The following PGD variants were observed in gnomAD, a reference collection of about 807,000 sequenced individuals.
The protein encoded by PGD is phosphogluconate dehydrogenase.
In PGD, 21 loss-of-function variants were observed where a neutral mutation model predicts 60.4. The ratio of observed to expected loss-of-function variants is 0.35; its 90% CI spans 0.25 to 0.50. The LOEUF is 0.50. Ranked by LOEUF, PGD falls within the 20% of genes least tolerant of loss-of-function variation. The pLI is 0.98. For synonymous variants in PGD, 230 were observed against 235.9 expected, an observed-to-expected ratio of 0.97 and a Z score of 0.23; for missense variants, 477 against 613.1, an observed-to-expected ratio of 0.78 and a Z score of 2.34.
intron 10 of PGD, among the ~76,000 whole-genome samples, chr1:10,418,008 G>A (rs1206287932): frequency 1.3e-5 from 2 of 152,188 alleles, no homozygotes; most frequent in Non-Finnish European, 2.9e-5. Flanking sequence ...CACTGCGCCC[G>A]GCTCCGCATT....
intron 8 of PGD, among the ~76,000 whole-genome samples, chr1:10,415,812 A>T (rs2124211483): frequency 6.6e-6 from 1 of 152,354 alleles, no homozygotes; most frequent in African/African-American, 2.4e-5. Flanking sequence ...CAGTTGAGCA[A>T]GTCTTTTATA....
chr1:10,403,590 G>GAAAAA lies in PGD; in HGVS notation c.330+470_330+474dup, dbSNP rs71583866. On this transcript the variant is annotated intron_variant, in intron 4 of 12. Coordinates refer to ENST00000270776, the MANE Select transcript of PGD (RefSeq NM_002631.4). Reference sequence around the variant, plus strand: ...TGGGCGACAGAGTGAAACTCCATCTGAAAAAAAAAAAAAAAAAAAAGACAC... The same window carrying GAAAAA: ...TGGGCGACAGAGTGAAACTCCATCTGAAAAAAAAAAAAAAAAAAAAAAAAAGACAC... Among the ~76,000 whole-genome samples the GAAAAA allele has an allele frequency of 8.2e-3, 553 of 67,128 alleles. 36 individuals are homozygous for GAAAAA. Among genetic ancestry groups the GAAAAA allele is most frequent in the African/African-American group, 0.026 (442 of 17,022 alleles). The allele number at this position is 67,128 out of a possible 152,430, so 44.0% of individuals were successfully genotyped here. A position where few individuals can be genotyped will look rare whatever the true frequency, so the allele number is the denominator to read the frequency against.
At chr1:10,418,647 T>G (rs1025516228) in intron 10 of PGD, among the ~76,000 whole-genome samples, 179 bp from the exon 11 acceptor site, 7 of 151,888 alleles carry the variant, frequency 4.6e-5, no homozygotes, top group African/African-American at 1.7e-4. Context: ...TAGTGGTGCG[T>G]GCCTGTAATC....
chr1:10,410,465 A>C (rs535319110), intron 6 of PGD, among the ~76,000 whole-genome samples: 92 of 151,922 alleles, frequency 6.1e-4, no homozygotes, highest in African/African-American at 2.1e-3. Context: ...AAACACGGAC[A>C]ATGGAGTCCT....
chr1:10,417,321 T>G lies in PGD; in HGVS notation c.976-55T>G, dbSNP rs934109186. 8 of 1,553,306 alleles carry G rather than the reference T, an allele frequency of 5.2e-6. No homozygotes were observed. The East Asian group carries it at 1.8e-4, about 35-fold the overall frequency. On this transcript the variant is annotated intron_variant, in intron 9 of 12. Transcript: ENST00000270776. Reference sequence around the variant, plus strand: ...CTGATGAGAATAAGACTGGTAGACATAAGGCGGTCACTCTCCTAATGGCAA... The same window carrying G: ...CTGATGAGAATAAGACTGGTAGACAGAAGGCGGTCACTCTCCTAATGGCAA...
chr1:10,404,616 C>T (rs561858115), intron 5 of PGD, among the ~76,000 whole-genome samples: 1 of 151,788 alleles, frequency 6.6e-6, no homozygotes, highest in Non-Finnish European at 1.5e-5. Flanking sequence ...TCTTGTGCGT[C>T]AGCCTCCTGA....
At position 10,418,935 on chromosome 1, in the gene PGD, C is replaced by T; in HGVS notation, c.1209+10C>T. ...TGTTGAAAACTGCCAGGTATGTAGC[C>T]TAGGGCTGGTGCCATGGTTACTCTA... is the stretch of plus-strand genomic sequence containing the variant. On this transcript the variant is annotated intron_variant, in intron 11 of 12. Transcript: ENST00000270776. 2 of 1,479,374 alleles carry T rather than the reference C, an allele frequency of 1.4e-6. No individual in the cohort carries two copies. Among genetic ancestry groups the T allele is most frequent in the Non-Finnish European group, 1.9e-6 (2 of 1,057,886 alleles). The allele number at this position is 1,479,374 out of a possible 1,614,324, so 91.6% of individuals were successfully genotyped here. A position where few individuals can be genotyped will look rare whatever the true frequency, so the allele number is the denominator to read the frequency against.
chr1:10,400,159 G>A (rs2102383794), intron 2 of PGD, among the ~76,000 whole-genome samples: 1 of 152,336 alleles, frequency 6.6e-6, no homozygotes, highest in East Asian at 1.9e-4. Context: ...GTTGGGTGTG[G>A]ATTCTACCTG....
At position 10,418,858 on chromosome 1, in the gene PGD, A is replaced by T. The variant is rs1353944602; in HGVS notation, c.1142A>T (p.Asp381Val). Residue 381 changes from aspartate (D) to valine (V), a missense_variant, in exon 11 of 13, where the codon GAT (aspartate) becomes GTT (valine). By Grantham distance (152) the Asp-to-Val change is radical (BLOSUM62 -3). This residue lies in a region of PGD where 431 missense variants were observed against 556.6 expected (regional missense o/e 0.77). Coordinates refer to ENST00000270776, the MANE Select transcript of PGD (RefSeq NM_002631.4). ...VFLGKIKDAF[D>V]RNPELQNLLL... is the part of the protein sequence containing the mutation. Reference sequence around the variant, plus strand: ...CTAGGAAAGATAAAGGATGCATTTGATCGAAACCCGGAACTTCAGAACCTC... The same window carrying T: ...CTAGGAAAGATAAAGGATGCATTTGTTCGAAACCCGGAACTTCAGAACCTC... The T allele has an allele frequency of 1.2e-6, 2 of 1,609,624 alleles. No homozygotes were observed. Among genetic ancestry groups the T allele is most frequent in the Non-Finnish European group, 1.7e-6 (2 of 1,176,608 alleles).
At position 10,404,191 on chromosome 1, in the gene PGD, A is replaced by G. The variant is rs1639361451; in HGVS notation, c.361A>G (p.Ile121Val). The G allele has an allele frequency of 4.3e-6, 7 of 1,613,664 alleles. No individual in the cohort carries two copies. The highest frequency in any genetic ancestry group is 5.9e-6 in the Non-Finnish European group (7 of 1,179,762). Residue 121 changes from isoleucine (I) to valine (V), a missense_variant, in exon 5 of 13, where the codon ATT becomes GTT. Physicochemically the swap from Ile to Val is conservative, Grantham distance 29. Around this residue, in one of 3 missense-constraint regions of PGD, gnomAD observed 431 missense variants for 556.6 expected, o/e 0.77. Coordinates refer to ENST00000270776, the MANE Select transcript of PGD (RefSeq NM_002631.4). ...RRCRDLKAKGILFVGSGVSGG... is the reference protein window; with the variant it reads ...RRCRDLKAKGVLFVGSGVSGG... ...GTGCCGAGACCTCAAGGCCAAGGGA[A>G]TTTTATTTGTGGGGAGCGGAGTCAG...
rs1639298893 is a variant in PGD, at chr1:10,400,578, G to GC, written c.264+8dup. Reference sequence around the variant, plus strand: ...ATGATTTCATCGAGAAATTGGTGAGGCCAGCTGTGCTCTCAGCTGCTACCA... The same window carrying GC: ...ATGATTTCATCGAGAAATTGGTGAGGCCCAGCTGTGCTCTCAGCTGCTACCA... On this transcript the variant is annotated splice_region_variant and intron_variant, in intron 3 of 12. Transcript: ENST00000270776. The GC allele has an allele frequency of 1.2e-6, 2 of 1,609,752 alleles. No homozygotes were observed. The highest frequency in any genetic ancestry group is 8.5e-7 in the Non-Finnish European group (1 of 1,177,538).
At chr1:10,414,125 C>G (rs1180040677) in intron 8 of PGD, among the ~76,000 whole-genome samples, 2 of 152,132 alleles carry the variant, frequency 1.3e-5, no homozygotes, top group Non-Finnish European at 2.9e-5. Flanking sequence ...CTTTTTTCCC[C>G]TAGATATTAA....
rs70997229 is a variant in PGD at position 10,420,389 on chromosome 1, CTTTTTTTTTTTTT to C, written c.*652_*664del. 1.1e-4 allele frequency among the ~76,000 whole-genome samples: 8 copies of C among 75,058 alleles called. No homozygotes were observed. The East Asian group carries it at 2.9e-3, about 27-fold the overall frequency. The allele number at this position is 75,058 out of a possible 152,430, so 49.2% of individuals were successfully genotyped here. A position where few individuals can be genotyped will look rare whatever the true frequency, so the allele number is the denominator to read the frequency against. On this transcript the variant is annotated 3_prime_UTR_variant, in exon 13 of 13. Transcript: ENST00000270776. ...CACTGTAACGTGCTTTTTCTTTCGT[CTTTTTTTTTTTTT>C]TTTTTTTTTTTGCTCCTGGCAAGCT...
chr1:10,409,675 T>TTTTTTA (rs1639465995), intron 6 of PGD, among the ~76,000 whole-genome samples: 3 of 138,050 alleles, frequency 2.2e-5, no homozygotes, highest in African/African-American at 2.7e-5. Flanking sequence ...TTTTTTTTTT[T>TTTTTTA]GAGACAGTCT....
rs747634705 is a variant in PGD, at chr1:10,413,180, C to T, written c.773C>T (p.Ala258Val). The change falls in exon 8 of 13, where the codon GCG becomes GTG. Residue 258 changes from alanine to valine, a missense_variant. This residue lies in a region of PGD where 431 missense variants were observed against 556.6 expected (regional missense o/e 0.77). Transcript: ENST00000270776. ...CTGCTGCCAAAGATCAGGGACAGCG[C>T]GGGGCAGAAGGGCACAGGGAAGTGG... ...KHLLPKIRDS[A>V]GQKGTGKWTA... 1.4e-5 allele frequency: 22 copies of T among 1,614,190 alleles called. No homozygotes were observed. Among genetic ancestry groups the T allele is most frequent in the Non-Finnish European group, 1.5e-5 (18 of 1,180,026 alleles).
intron 5 of PGD, among the ~76,000 whole-genome samples, chr1:10,406,043 C>T (rs1432653975): frequency 3.3e-5 from 5 of 152,094 alleles, no homozygotes; most frequent in Middle Eastern, 3.4e-3. Context: ...TTAGTAGAGA[C>T]GGGGTTTCAC....
At chr1:10,399,862 A>G in intron 2 of PGD, 158 bp downstream of exon 2, 2 of 659,844 alleles carry the variant, frequency 3.0e-6, no homozygotes. Context: ...AGCACCCTGT[A>G]GGCGTGGGCG....
At chr1:10,399,392 T>C (rs1639270239) in intron 1 of PGD, 3 of 499,828 alleles carry the variant, frequency 6.0e-6, no homozygotes, top group Non-Finnish European at 1.0e-5. Context: ...CCTCGCCGAG[T>C]CTGCAGGGAC....
At chr1:10,410,444 A>C (rs1371597487) in intron 6 of PGD, among the ~76,000 whole-genome samples, 6 of 151,828 alleles carry the variant, frequency 4.0e-5, no homozygotes, top group Non-Finnish European at 8.8e-5. Context: ...TCCGTTTCAA[A>C]AAAAAAAAAG....
Sources: allele counts gnomAD v4.1 joint callset (sites outside exome capture counted in the v4.1 genomes callset), GRCh38; gene constraint gnomAD v4.1.1; regional missense constraint gnomAD v4.1.1; transcripts MANE v1.5; gene names NCBI Gene and HGNC (gene_info 2026-07-23, HGNC 2026-07-21).